The following SORBS2 variants were observed in gnomAD, a reference collection of about 807,000 sequenced individuals.
The protein encoded by SORBS2 is sorbin and SH3 domain-containing protein 2.
SORBS2 carries 46 observed loss-of-function variants against 97.7 expected under a neutral mutation model. The observed-to-expected ratio is 0.47, with a 90% CI of 0.37 to 0.60. The LOEUF is 0.60. Ranked by LOEUF, SORBS2 falls within the 20% of genes least tolerant of loss-of-function variation. The pLI is 0.00. For missense variants in SORBS2, 1,316 were observed against 1,282.3 expected (o/e 1.03, Z -0.40); for synonymous variants, 476 against 473.4 (o/e 1.01, Z -0.07).
upstream of SORBS2, chr4:185,657,655 T>C (rs2097430449): frequency 1.4e-6 from 2 of 1,465,092 alleles, no homozygotes; most frequent in South Asian, 1.2e-5. Flanking sequence ...CATAAATTCA[T>C]GTGTCTTGTT....
intron 7 of SORBS2, among the ~76,000 whole-genome samples, chr4:185,620,784 C>T (rs2096708685): frequency 6.6e-6 from 1 of 152,288 alleles, no homozygotes; most frequent in South Asian, 2.1e-4. Context: ...AGATGATAAA[C>T]ACCTTATCAG....
Position 185,905,111 on chromosome 4 carries a change from A to AAAAAG in SORBS2, c.-338+51084_-338+51085insCTTTT, listed in dbSNP as rs2099250022. On this transcript the variant is annotated intron_variant, in intron 1 of 20. Coordinates refer to the SORBS2 transcript ENST00000284776. ...AAGAGTGAAACTCTGTCAAAAAAAA[A>AAAAAG]AAAGAAAGAAAGAAAGAAAGAAACA... Among the ~76,000 whole-genome samples, 5 of 151,710 alleles carry AAAAAG rather than the reference A, an allele frequency of 3.3e-5. No individual in the cohort carries two copies. In the South Asian group the frequency reaches 6.3e-4, roughly 19 times the overall value.
rs139812512 is a variant in SORBS2, at chr4:185,732,290, T to A, written c.-198+42937A>T. ...CCCTTGGAAGATAATCTCAATAGCA[T>A]GTGTGAATAGGAAGAGCATCAAAGT... On this transcript the variant is annotated intron_variant, in intron 2 of 20. Transcript: ENST00000284776. 3.6e-3 allele frequency among the ~76,000 whole-genome samples: 551 copies of A among 152,240 alleles called. 6 individuals are homozygous for A. Among genetic ancestry groups the A allele is most frequent in the African/African-American group, 0.012 (492 of 41,542 alleles).
intron 11 of SORBS2, 154 bp downstream of exon 23, chr4:185,614,677 G>T: frequency 1.1e-6 from 1 of 881,070 alleles, no homozygotes; most frequent in Non-Finnish European, 1.7e-6. Flanking sequence ...GTGACTCTGG[G>T]CTGCCTTAAA....
intron 1 of SORBS2, among the ~76,000 whole-genome samples, chr4:185,788,542 G>A (rs1474627984): frequency 6.6e-6 from 1 of 152,162 alleles, no homozygotes; most frequent in African/African-American, 2.4e-5. Context: ...ATCTCAGAGA[G>A]GAATTATTCG....
At chr4:185,636,216 G>A (rs532025248) in intron 4 of SORBS2, among the ~76,000 whole-genome samples, 3 of 152,150 alleles carry the variant, frequency 2.0e-5, no homozygotes, top group African/African-American at 7.2e-5. Context: ...GCTAGAGAAT[G>A]TTTTTCCTTG....
intron 1 of SORBS2, among the ~76,000 whole-genome samples, chr4:185,889,949 C>T (rs113927206): frequency 0.013 from 2,022 of 152,214 alleles, 39 homozygotes; most frequent in African/African-American, 0.046. Flanking sequence ...TGCAATGGTG[C>T]GATCTCAACT....
intron 12 of SORBS2, among the ~76,000 whole-genome samples, chr4:185,597,889 C>A (rs1469175114): frequency 2.0e-5 from 3 of 152,202 alleles, no homozygotes; most frequent in Admixed American, 6.5e-5. Context: ...ATTTTAAAGG[C>A]CGCAGAGTGA....
chr4:185,916,616 T>C (rs2099258280), intron 1 of SORBS2, among the ~76,000 whole-genome samples: 1 of 152,210 alleles, frequency 6.6e-6, no homozygotes, highest in Non-Finnish European at 1.5e-5. Flanking sequence ...GCACATTCAT[T>C]TTCAACAGTG....
At chr4:185,893,315 G>A (rs1245271079) in intron 1 of SORBS2, among the ~76,000 whole-genome samples, 6 of 152,194 alleles carry the variant, frequency 3.9e-5, no homozygotes, top group Admixed American at 2.6e-4. Flanking sequence ...TGGGGTAGGC[G>A]GGATGCATGG....
chr4:185,671,958 G>T (rs952051221), intron 4 of SORBS2, among the ~76,000 whole-genome samples: 4 of 152,170 alleles, frequency 2.6e-5, no homozygotes, highest in African/African-American at 9.7e-5. Context: ...ATTCTCTAAT[G>T]TTCAATTATT....
intron 1 of SORBS2, among the ~76,000 whole-genome samples, chr4:185,871,915 C>T (rs1273098596): frequency 6.6e-6 from 1 of 152,254 alleles, no homozygotes; most frequent in Non-Finnish European, 1.5e-5. Flanking sequence ...TCTCTCAGGA[C>T]TGTCATCCAT....
intron 2 of SORBS2, among the ~76,000 whole-genome samples, chr4:185,652,415 G>A (rs950813814): frequency 5.3e-5 from 8 of 152,192 alleles, no homozygotes; most frequent in Non-Finnish European, 8.8e-5. Flanking sequence ...GGAGGATGGA[G>A]GGCTGAGGCC....
intron 1 of SORBS2, among the ~76,000 whole-genome samples, chr4:185,787,466 G>A (rs545073692): frequency 1.1e-4 from 17 of 152,128 alleles, no homozygotes; most frequent in East Asian, 1.9e-4. Context: ...ACTGTTATAC[G>A]ACCCGAGGGG....
At chr4:185,767,478 C>A (rs1379969004) in intron 2 of SORBS2, among the ~76,000 whole-genome samples, 2 of 108,960 alleles carry the variant, frequency 1.8e-5, no homozygotes. Flanking sequence ...CCAGCCTGGG[C>A]GACAGAGTGA....
intron 1 of SORBS2, among the ~76,000 whole-genome samples, chr4:185,813,645 G>A (rs1438138995): frequency 6.6e-6 from 1 of 152,158 alleles, no homozygotes; most frequent in Non-Finnish European, 1.5e-5. Flanking sequence ...CCCTGCAGAT[G>A]CTGCTACTAT....
At chr4:185,762,013 G>A (rs913599829) in intron 2 of SORBS2, among the ~76,000 whole-genome samples, 19 of 152,156 alleles carry the variant, frequency 1.2e-4, no homozygotes, top group Middle Eastern at 3.2e-3. Flanking sequence ...TAACTCAGCC[G>A]CAAGGGGTTA....
intron 1 of SORBS2, among the ~76,000 whole-genome samples, chr4:185,893,731 G>C (rs2099243621): frequency 6.6e-6 from 1 of 152,178 alleles, no homozygotes; most frequent in Non-Finnish European, 1.5e-5. Context: ...ACAGGGGCTA[G>C]GGGTTCCCCG....
chr4:185,737,396 C>A (rs567898638), intron 2 of SORBS2, among the ~76,000 whole-genome samples: 2 of 152,282 alleles, frequency 1.3e-5, no homozygotes, highest in East Asian at 3.9e-4. Context: ...CTGGAACCAT[C>A]GCCCTCCCTG....
Sources: allele counts gnomAD v4.1 joint callset (sites outside exome capture counted in the v4.1 genomes callset), GRCh38; gene constraint gnomAD v4.1.1; transcripts MANE v1.5; gene names NCBI Gene and HGNC (gene_info 2026-07-23, HGNC 2026-07-21).